The following CEP128 variants were observed in gnomAD, a reference collection of about 807,000 sequenced individuals.
The protein encoded by CEP128 is centrosomal protein 128, also known as centrosomal protein 128kDa.
Under a neutral mutation model 156.7 loss-of-function variants are expected in CEP128, and 132 were observed. The ratio of observed to expected loss-of-function variants is 0.84; its 90% CI spans 0.73 to 0.97. CEP128 has a LOEUF of 0.97. CEP128 is among the 50% of genes least tolerant of loss of function. The pLI is 0.00. For missense variants in CEP128, 1,252 were observed against 1,281.9 expected (o/e 0.98, Z 0.36); for synonymous variants, 469 against 448.9 (o/e 1.04, Z -0.57).
At chr14:80,915,019 A>C (rs1884463427) in intron 3 of CEP128, among the ~76,000 whole-genome samples, 1 of 152,140 alleles carries the variant, frequency 6.6e-6, no homozygotes, top group Non-Finnish European at 1.5e-5. Context: ...TTGTTATCTT[A>C]CTTTACTTAC....
At chr14:80,714,286 C>A (rs1031872809) in intron 19 of CEP128, among the ~76,000 whole-genome samples, 1 of 151,868 alleles carries the variant, frequency 6.6e-6, no homozygotes, top group Non-Finnish European at 1.5e-5. Flanking sequence ...GTTGCATCAC[C>A]CATTCAAGGC....
intron 19 of CEP128, among the ~76,000 whole-genome samples, chr14:80,716,946 T>C (rs1897629935): frequency 6.6e-6 from 1 of 152,222 alleles, no homozygotes; most frequent in South Asian, 2.1e-4. Context: ...TAGTATCTCT[T>C]TGAGGCTTTG....
At chr14:80,891,257 C>T (rs544169703) in intron 8 of CEP128, among the ~76,000 whole-genome samples, 129 of 152,124 alleles carry the variant, frequency 8.5e-4, no homozygotes, top group African/African-American at 2.9e-3. Context: ...TGCACCCCCA[C>T]ATTTATTGCA....
At chr14:80,876,254 A>G (rs1888275338) in intron 8 of CEP128, among the ~76,000 whole-genome samples, 1 of 151,950 alleles carries the variant, frequency 6.6e-6, no homozygotes, top group Non-Finnish European at 1.5e-5. Flanking sequence ...ACAAAGACAA[A>G]GAAGAAAAAC....
upstream of CEP128, among the ~76,000 whole-genome samples, chr14:80,944,798 G>T (rs1276988540): frequency 8.3e-6 from 1 of 120,384 alleles, no homozygotes; most frequent in East Asian, 2.6e-4. Context: ...CTGCAGCCTG[G>T]GCGACAGAGT....
Position 80,836,188 on chromosome 14 carries a change from T to C in CEP128, c.1057+17A>G, listed in dbSNP as rs780906022. On this transcript the variant is annotated intron_variant, in intron 12 of 24. Transcript: ENST00000555265. ...CCACACACATTATCACATTATTAGGTACAAATCTACTTTTACCTCTCCTAA... is the reference window on the plus strand; with the variant it reads ...CCACACACATTATCACATTATTAGGCACAAATCTACTTTTACCTCTCCTAA... 1.9e-6 allele frequency: 3 copies of C among 1,613,154 alleles called. No individual in the cohort carries two copies. The South Asian group carries it at 3.3e-5, about 18-fold the overall frequency.
intron 23 of CEP128, among the ~76,000 whole-genome samples, chr14:80,518,088 A>G (rs1305117426): frequency 6.7e-6 from 1 of 149,824 alleles, no homozygotes; most frequent in Admixed American, 6.7e-5. Context: ...CAGAACTCCC[A>G]TATAATGGGA....
intron 13 of CEP128, among the ~76,000 whole-genome samples, chr14:80,829,597 T>G (rs1885672583): frequency 6.6e-6 from 1 of 152,128 alleles, no homozygotes; most frequent in Non-Finnish European, 1.5e-5. Context: ...AGATCCACTG[T>G]GAGAAACAAG....
chr14:80,664,566 G>C (rs557477867), intron 19 of CEP128, among the ~76,000 whole-genome samples: 3 of 152,202 alleles, frequency 2.0e-5, no homozygotes, highest in African/African-American at 7.2e-5. Context: ...ATAGCTCTAA[G>C]AGGTTGACAT....
At chr14:80,904,011 T>C (rs1883734206) in intron 6 of CEP128, among the ~76,000 whole-genome samples, 1 of 152,086 alleles carries the variant, frequency 6.6e-6, no homozygotes. Context: ...GCTACTGAAA[T>C]CAGTATGTCA....
At chr14:80,691,686 T>A (rs930875666) in intron 19 of CEP128, among the ~76,000 whole-genome samples, 1 of 152,166 alleles carries the variant, frequency 6.6e-6, no homozygotes, top group African/African-American at 2.4e-5. Flanking sequence ...ATGGACTAAC[T>A]GCACACCTCT....
chr14:80,839,099 A>T (rs1451953874), intron 10 of CEP128, among the ~76,000 whole-genome samples: 1 of 152,194 alleles, frequency 6.6e-6, no homozygotes, highest in Admixed American at 6.5e-5. Context: ...ACTCCGTCTC[A>T]AAAAAATGTG....
At chr14:80,630,122 G>C (rs1184272221) in intron 19 of CEP128, among the ~76,000 whole-genome samples, 2 of 151,786 alleles carry the variant, frequency 1.3e-5, no homozygotes, top group African/African-American at 4.8e-5. Context: ...TTCTAGTAGT[G>C]GTCAATGTAG....
At chr14:80,501,047 G>A (rs1402694889) in intron 24 of CEP128, among the ~76,000 whole-genome samples, 1 of 150,314 alleles carries the variant, frequency 6.7e-6, no homozygotes, top group African/African-American at 2.4e-5. Context: ...TTTTTTTTAA[G>A]TGTTCAATCG....
chr14:80,500,578 T>A (rs944247459), intron 24 of CEP128, among the ~76,000 whole-genome samples: 1 of 152,348 alleles, frequency 6.6e-6, no homozygotes, highest in Non-Finnish European at 1.5e-5. Context: ...TATACACATA[T>A]CAAATAATAC....
chr14:80,894,601 T>A, intron 8 of CEP128: 1 of 476,408 alleles, frequency 2.1e-6, no homozygotes, highest in Non-Finnish European at 4.2e-6. Flanking sequence ...TTGCCACACA[T>A]TAATTGGAAA....
At chr14:80,828,935 A>T (rs1260558241) in intron 13 of CEP128, among the ~76,000 whole-genome samples, 3 of 152,208 alleles carry the variant, frequency 2.0e-5, no homozygotes, top group Non-Finnish European at 2.9e-5. Flanking sequence ...ACAGCTCCAT[A>T]CTACCCAATA....
intron 19 of CEP128, among the ~76,000 whole-genome samples, chr14:80,678,049 A>AAAATAT: frequency 1.0e-5 from 1 of 98,502 alleles, no homozygotes; most frequent in African/African-American, 3.2e-5. Context: ...ATAAAAAAAA[A>AAAATAT]ATATATATAT....
intron 19 of CEP128, among the ~76,000 whole-genome samples, chr14:80,612,245 T>G (rs911665676): frequency 2.0e-5 from 3 of 152,160 alleles, no homozygotes; most frequent in East Asian, 1.9e-4. Context: ...TTTTATTGTC[T>G]CTGAAGAAAT....
Sources: allele counts gnomAD v4.1 joint callset (sites outside exome capture counted in the v4.1 genomes callset), GRCh38; gene constraint gnomAD v4.1.1; transcripts MANE v1.5; gene names NCBI Gene and HGNC (gene_info 2026-07-23, HGNC 2026-07-21).